MEGF11: variants seen among roughly 807,000 people sequenced by gnomAD.
The protein encoded by MEGF11 is multiple epidermal growth factor-like domains protein 11.
A neutral mutation model predicts 146.6 loss-of-function variants in MEGF11; 126 were observed. The ratio of observed to expected loss-of-function variants is 0.86; its 90% CI spans 0.74 to 1.00. The LOEUF (loss-of-function observed/expected upper bound fraction) is 1.00, where lower values mean the gene tolerates loss of function less well. Ranked by LOEUF, MEGF11 falls within the 50% of genes least tolerant of loss-of-function variation. The pLI is 0.00. For synonymous variants in MEGF11, 532 were observed against 583.4 expected (o/e 0.91, Z 1.27); for missense variants, 1,509 against 1,521.2 (o/e 0.99, Z 0.13).
intron 9 of MEGF11, among the ~76,000 whole-genome samples, chr15:65,962,244 G>A (rs780488462): frequency 6.6e-6 from 1 of 152,320 alleles, no homozygotes; most frequent in Non-Finnish European, 1.5e-5. Context: ...GAGGAAGAGA[G>A]CTGTTTTCTG....
chr15:65,953,426 C>T (rs1027726725), intron 10 of MEGF11, among the ~76,000 whole-genome samples: 12 of 152,146 alleles, frequency 7.9e-5, no homozygotes, highest in South Asian at 4.1e-4. Context: ...CTCCCACCAC[C>T]GCTGGCTTTG....
At chr15:66,149,113 A>G (rs147773125) in intron 1 of MEGF11, among the ~76,000 whole-genome samples, 2,698 of 152,234 alleles carry the variant, frequency 0.018, 310 homozygotes, top group Admixed American at 0.16. Context: ...CTCCCACTCA[A>G]TGATCCTTTC....
At chr15:66,171,772 C>A (rs1432809368) in intron 1 of MEGF11, among the ~76,000 whole-genome samples, 7 of 151,758 alleles carry the variant, frequency 4.6e-5, no homozygotes, top group Non-Finnish European at 7.4e-5. Context: ...TCCAGTTCCC[C>A]CCACCCCCAG....
chr15:66,226,404 C>T (rs561851223), intron 1 of MEGF11, among the ~76,000 whole-genome samples: 3 of 152,250 alleles, frequency 2.0e-5, no homozygotes, highest in African/African-American at 4.8e-5. Context: ...TGTGCCACCA[C>T]GCCTGGCTAA....
At chr15:66,149,818 A>T (rs2089497924) in intron 1 of MEGF11, among the ~76,000 whole-genome samples, 2 of 152,242 alleles carry the variant, frequency 1.3e-5, no homozygotes, top group South Asian at 4.1e-4. Context: ...TTTAGAGCCC[A>T]GTGGGGAGGT....
At chr15:66,161,927 C>A (rs996301720) in intron 1 of MEGF11, among the ~76,000 whole-genome samples, 7 of 152,298 alleles carry the variant, frequency 4.6e-5, no homozygotes, top group African/African-American at 1.7e-4. Flanking sequence ...GACCCACTAC[C>A]CACAAATACA....
intron 20 of MEGF11, chr15:65,912,569 G>A (rs749554587): frequency 3.8e-5 from 6 of 159,636 alleles, no homozygotes; most frequent in Non-Finnish European, 8.2e-5. Flanking sequence ...CTGGTAATGA[G>A]ATCATAAAGA....
At chr15:65,969,211 C>T (rs1031832509) in intron 8 of MEGF11, among the ~76,000 whole-genome samples, 6 of 152,178 alleles carry the variant, frequency 3.9e-5, no homozygotes, top group East Asian at 3.9e-4. Flanking sequence ...GGAGTCCAGC[C>T]GGCTAGAGCC....
chr15:66,123,903 G>A lies in MEGF11; in HGVS notation c.196C>T (p.His66Tyr). 6.2e-7 allele frequency: 1 copy of A among 1,612,292 alleles called. No homozygotes were observed. The highest frequency in any genetic ancestry group is 1.1e-5 in the South Asian group (1 of 91,042). The change falls in exon 3 of 26, where the codon CAC becomes TAC. Residue 66 changes from histidine (H) to tyrosine (Y), a missense_variant. Coordinates refer to ENST00000395614, the MANE Select transcript of MEGF11 (RefSeq NM_001385028.1). ...DILNWFKCTR[H>Y]RISYKTAYRR... ...TCATCTGAGAGAGGTACTCACCGGT[G>A]CCTGGTGCACTTGAACCAGTTGAGG...
chr15:66,111,164 C>T (rs1324166488), intron 4 of MEGF11, among the ~76,000 whole-genome samples: 1 of 152,222 alleles, frequency 6.6e-6, no homozygotes, highest in Non-Finnish European at 1.5e-5. Flanking sequence ...ATAATGCTCA[C>T]TTCTCCAGTC....
At chr15:66,020,878 G>A (rs1224867535) in intron 5 of MEGF11, among the ~76,000 whole-genome samples, 2 of 151,992 alleles carry the variant, frequency 1.3e-5, no homozygotes, top group Admixed American at 6.6e-5. Context: ...TGTAGTCCCA[G>A]CTACTCAGGA....
intron 1 of MEGF11, among the ~76,000 whole-genome samples, chr15:66,180,498 G>T (rs933057525): frequency 3.9e-5 from 6 of 152,218 alleles, no homozygotes; most frequent in African/African-American, 1.2e-4. Context: ...TCGCCTCACA[G>T]GCGGAAGGAC....
At chr15:66,161,793 A>G (rs140208327) in intron 1 of MEGF11, among the ~76,000 whole-genome samples, 2 of 152,276 alleles carry the variant, frequency 1.3e-5, no homozygotes, top group African/African-American at 4.8e-5. Context: ...AGCACCTACT[A>G]TGTGCCAACC....
chr15:66,118,563 C>T (rs1256056830), intron 4 of MEGF11, among the ~76,000 whole-genome samples: 2 of 152,220 alleles, frequency 1.3e-5, no homozygotes, highest in East Asian at 1.9e-4. Flanking sequence ...TCCCAGCTCC[C>T]GGAACCACTT....
At chr15:66,187,667 G>A (rs766376088) in intron 1 of MEGF11, among the ~76,000 whole-genome samples, 1 of 140,372 alleles carries the variant, frequency 7.1e-6, no homozygotes, top group Non-Finnish European at 1.5e-5. Context: ...TCGGAGGGGA[G>A]GAGCAATGGA....
intron 1 of MEGF11, among the ~76,000 whole-genome samples, chr15:66,237,742 C>T (rs2092126571): frequency 6.6e-6 from 1 of 152,198 alleles, no homozygotes; most frequent in Non-Finnish European, 1.5e-5. Flanking sequence ...ACACAGCAGG[C>T]ACTTCCTGCC....
intron 1 of MEGF11, among the ~76,000 whole-genome samples, chr15:66,239,890 C>G (rs1438037963): frequency 6.6e-6 from 1 of 152,208 alleles, no homozygotes; most frequent in Non-Finnish European, 1.5e-5. Context: ...AATGAAACAC[C>G]AAAGAGCTAG....
chr15:66,201,692 T>C (rs1246220476), intron 1 of MEGF11, among the ~76,000 whole-genome samples: 3 of 150,506 alleles, frequency 2.0e-5, no homozygotes, highest in East Asian at 2.0e-4. Flanking sequence ...TACCAGCACT[T>C]TGGGAGGCCG....
chr15:66,209,307 G>T (rs1182057864), intron 1 of MEGF11, among the ~76,000 whole-genome samples: 1 of 151,638 alleles, frequency 6.6e-6, no homozygotes, highest in African/African-American at 2.4e-5. Context: ...CCAAGATCGC[G>T]CCACTGCACT....
Sources: allele counts gnomAD v4.1 joint callset (sites outside exome capture counted in the v4.1 genomes callset), GRCh38; gene constraint gnomAD v4.1.1; transcripts MANE v1.5; gene names NCBI Gene and HGNC (gene_info 2026-07-23, HGNC 2026-07-21).